CLDN16: variants seen among roughly 807,000 people sequenced by gnomAD.
The protein encoded by CLDN16 is claudin 16, also known as claudin-16.
Under a neutral mutation model 24.6 loss-of-function variants are expected in CLDN16, and 13 were observed. That is an observed-to-expected ratio of 0.53 (90% CI 0.34 to 0.84). The LOEUF is 0.84. Among genes scored for constraint, CLDN16 ranks in the 40% least tolerant of loss-of-function variants. The pLI, the probability that CLDN16 is intolerant of heterozygous loss-of-function variation, is 0.01. For synonymous variants in CLDN16, 116 were observed against 106.7 expected, an observed-to-expected ratio of 1.09 and a Z score of -0.54; for missense variants, 298 against 292.7, an observed-to-expected ratio of 1.02 and a Z score of -0.13.
At chr3:190,363,556 G>GTATATATATATATATATATA (rs1221514630) in intron 1 of CLDN16, among the ~76,000 whole-genome samples, 6 of 87,388 alleles carry the variant, frequency 6.9e-5, no homozygotes, top group African/African-American at 9.5e-5. Flanking sequence ...GTGTGTGTGT[G>GTATATATATATATATATATA]TATATATATA....
intron 1 of CLDN16, among the ~76,000 whole-genome samples, chr3:190,343,081 AAG>A (rs1357843053): frequency 6.6e-6 from 1 of 152,290 alleles, no homozygotes; most frequent in East Asian, 1.9e-4. Flanking sequence ...GTTAATATAA[AAG>A]ATTTATAAAG....
At chr3:190,397,558 A>G (rs947876514) in intron 1 of CLDN16, among the ~76,000 whole-genome samples, 3 of 152,246 alleles carry the variant, frequency 2.0e-5, no homozygotes, top group Admixed American at 6.5e-5. Flanking sequence ...GTAAATGAAG[A>G]TGATAAATCA....
chr3:190,398,910 G>A lies in CLDN16; in HGVS notation c.115-3427G>A, dbSNP rs115660381. Among the ~76,000 whole-genome samples the A allele has an allele frequency of 7.5e-3, 1,146 of 152,110 alleles. 6 individuals are homozygous for A. Among genetic ancestry groups the A allele is most frequent in the African/African-American group, 0.015 (613 of 41,474 alleles). On this transcript the variant is annotated intron_variant, in intron 1 of 4. Transcript: ENST00000264734. ...TAATGCATATATAAATTTAATTTAC[G>A]TGTAATGCACATATAAATTTAGACG...
chr3:190,325,302 G>A (rs775774509), intron 1 of CLDN16, among the ~76,000 whole-genome samples: 1 of 151,902 alleles, frequency 6.6e-6, no homozygotes, highest in African/African-American at 2.4e-5. Flanking sequence ...ATTTCTCTGT[G>A]TGACCCAAAT....
At chr3:190,291,192 A>G in the CLDN16 span, among the ~76,000 whole-genome samples, 1,438 of 152,290 alleles carry the variant, frequency 9.4e-3, 23 homozygotes, top group African/African-American at 0.033. Flanking sequence ...AAGGGGATCA[A>G]TGTGGCTGTT....
intron 1 of CLDN16, among the ~76,000 whole-genome samples, chr3:190,348,847 T>A (rs957103623): frequency 3.3e-5 from 5 of 152,154 alleles, no homozygotes; most frequent in African/African-American, 7.2e-5. Context: ...CCCCAGTGTG[T>A]GTTGTTTCCC....
intron 1 of CLDN16, among the ~76,000 whole-genome samples, chr3:190,352,934 G>C (rs1000646291): frequency 2.0e-5 from 3 of 151,896 alleles, no homozygotes; most frequent in Non-Finnish European, 4.4e-5. Context: ...TCAGAAATAG[G>C]TGTCAAACAG....
At chr3:190,404,534 A>G (rs564401324) in intron 2 of CLDN16, among the ~76,000 whole-genome samples, 19 of 152,280 alleles carry the variant, frequency 1.2e-4, no homozygotes, top group African/African-American at 4.3e-4. Flanking sequence ...ACCAACAACA[A>G]AACTAAGTAG....
chr3:190,389,756 A>G (rs1718602144), intron 1 of CLDN16, among the ~76,000 whole-genome samples: 1 of 152,250 alleles, frequency 6.6e-6, no homozygotes, highest in Non-Finnish European at 1.5e-5. Flanking sequence ...AAAAGTGCAG[A>G]TAAAACGTTC....
intron 1 of CLDN16, among the ~76,000 whole-genome samples, chr3:190,336,625 C>T (rs73058344): frequency 0.043 from 6,551 of 152,206 alleles, 324 homozygotes; most frequent in African/African-American, 0.12. Flanking sequence ...TTATGTGGCC[C>T]AACAGATCCT....
chr3:190,301,263 G>A, the CLDN16 span, among the ~76,000 whole-genome samples: 2 of 152,258 alleles, frequency 1.3e-5, no homozygotes, highest in African/African-American at 4.8e-5. Context: ...GGGAGACTGA[G>A]GTGGATGAAT....
At chr3:190,347,071 G>A (rs1237880488) in intron 1 of CLDN16, among the ~76,000 whole-genome samples, 1 of 152,148 alleles carries the variant, frequency 6.6e-6, no homozygotes, top group African/African-American at 2.4e-5. Context: ...CTGGAGAGGT[G>A]AGTGAGGAAA....
chr3:190,363,017 T>C (rs1040749286), intron 1 of CLDN16, among the ~76,000 whole-genome samples: 1 of 151,976 alleles, frequency 6.6e-6, no homozygotes, highest in Non-Finnish European at 1.5e-5. Context: ...ATTCAAAAAT[T>C]TTTTCAAGCG....
At chr3:190,341,472 A>C (rs1009443784) in intron 1 of CLDN16, among the ~76,000 whole-genome samples, 9 of 152,166 alleles carry the variant, frequency 5.9e-5, no homozygotes, top group Non-Finnish European at 1.3e-4. Context: ...CCATGGCTGG[A>C]GCAGCTGGGA....
At chr3:190,374,727 C>T (rs1240126960) in intron 3 of CLDN16, 1 of 151,842 alleles carries the variant, frequency 6.6e-6, no homozygotes, top group Non-Finnish European at 1.5e-5. Context: ...AAAAGAACAA[C>T]AACACTTGTT....
chr3:190,335,262 T>G (rs1298404230), intron 1 of CLDN16, among the ~76,000 whole-genome samples: 3 of 151,816 alleles, frequency 2.0e-5, no homozygotes, highest in Admixed American at 6.6e-5. Flanking sequence ...CAGGCTGGTC[T>G]CGAACTCTTG....
At chr3:190,301,212 A>G in the CLDN16 span, among the ~76,000 whole-genome samples, 5 of 152,140 alleles carry the variant, frequency 3.3e-5, no homozygotes, top group African/African-American at 1.2e-4. Context: ...GACTATGTCC[A>G]GGTTGGGTGC....
At chr3:190,295,322 G>T in the CLDN16 span, among the ~76,000 whole-genome samples, 4 of 152,112 alleles carry the variant, frequency 2.6e-5, no homozygotes, top group Admixed American at 6.5e-5. Context: ...AATGGTACCC[G>T]TCTTAGAGGA....
At chr3:190,331,392 T>A (rs553999021) in intron 1 of CLDN16, among the ~76,000 whole-genome samples, 1 of 152,210 alleles carries the variant, frequency 6.6e-6, no homozygotes, top group South Asian at 2.1e-4. Flanking sequence ...TATTATTTGG[T>A]AAAAATTGTC....
Sources: gnomAD v4.1 joint callset for allele counts (sites outside exome capture counted in the v4.1 genomes callset) on GRCh38, gnomAD v4.1.1 for gene constraint, MANE v1.5 for transcripts, NCBI Gene and HGNC (gene_info 2026-07-23, HGNC 2026-07-21) for gene names.